FBXL2: variants seen among roughly 807,000 people sequenced by gnomAD.
FBXL2 encodes the protein F-box and leucine rich repeat protein 2, also known as F-box/LRR-repeat protein 2.
In FBXL2, 38 loss-of-function variants were observed where a neutral mutation model predicts 69.2. That is an observed-to-expected ratio of 0.55 (90% CI 0.42 to 0.72). The LOEUF is 0.72. Among genes scored for constraint, FBXL2 ranks in the 30% least tolerant of loss-of-function variants. The pLI is 0.00. For synonymous variants in FBXL2, 192 were observed against 201.3 expected (o/e 0.95, Z 0.39); for missense variants, 354 against 520.3 (o/e 0.68, Z 3.11).
rs376763047 is a variant in FBXL2, at chr3:33,378,765, T to C, written c.951+24T>C. The C allele has an allele frequency of 1.1e-4, 182 of 1,614,094 alleles. No individual in the cohort carries two copies. In the East Asian group the frequency reaches 4.0e-3, roughly 35 times the overall value. ...TGGTGAGTCTGAGTTTTTCTGACATTATTCACCTGTTAAAGATGAAAGAGC... is the reference window on the plus strand; with the variant it reads ...TGGTGAGTCTGAGTTTTTCTGACATCATTCACCTGTTAAAGATGAAAGAGC... On this transcript the variant is annotated intron_variant, in intron 13 of 14. Coordinates refer to ENST00000484457, the MANE Select transcript of FBXL2 (RefSeq NM_012157.5).
At chr3:33,413,783 C>T in the FBXL2 span, among the ~76,000 whole-genome samples, 23 of 152,208 alleles carry the variant, frequency 1.5e-4, no homozygotes, top group Admixed American at 9.8e-4. Flanking sequence ...TACCTGCACC[C>T]ACACCTGCAG....
chr3:33,419,284 CAGG>C, the FBXL2 span, among the ~76,000 whole-genome samples: 1 of 152,002 alleles, frequency 6.6e-6, no homozygotes, highest in East Asian at 1.9e-4. Context: ...TACTTGAGGT[CAGG>C]AGTTCAAGAC....
At chr3:33,368,008 G>T (rs2154045544) in intron 5 of FBXL2, among the ~76,000 whole-genome samples, 1 of 152,200 alleles carries the variant, frequency 6.6e-6, no homozygotes, top group East Asian at 1.9e-4. Context: ...CAAATATTTG[G>T]ACATTTTCCA....
intron 2 of FBXL2, among the ~76,000 whole-genome samples, chr3:33,321,049 C>T (rs1193309802): frequency 6.6e-6 from 1 of 151,908 alleles, no homozygotes; most frequent in Non-Finnish European, 1.5e-5. Context: ...GTGGCTCACA[C>T]CTGTAACCTT....
At chr3:33,342,418 T>G (rs992931456) in intron 2 of FBXL2, among the ~76,000 whole-genome samples, 1 of 151,554 alleles carries the variant, frequency 6.6e-6, no homozygotes, top group African/African-American at 2.4e-5. Flanking sequence ...AGACTTGCTT[T>G]TAGTAGACTT....
chr3:33,311,192 A>G (rs2037161719), intron 2 of FBXL2, among the ~76,000 whole-genome samples: 1 of 151,922 alleles, frequency 6.6e-6, no homozygotes, highest in Non-Finnish European at 1.5e-5. Context: ...TGCTTTCACA[A>G]TCCTCTCTTT....
the FBXL2 span, among the ~76,000 whole-genome samples, chr3:33,415,307 T>C: frequency 7.2e-5 from 11 of 152,218 alleles, no homozygotes; most frequent in Non-Finnish European, 1.2e-4. Flanking sequence ...GACACTGAAT[T>C]TTGGCATTTG....
chr3:33,322,395 A>G (rs945636370), intron 2 of FBXL2, among the ~76,000 whole-genome samples: 5 of 152,084 alleles, frequency 3.3e-5, no homozygotes, highest in African/African-American at 1.2e-4. Context: ...TGATGTTTAT[A>G]AAAATGTTTA....
chr3:33,373,039 C>T lies in FBXL2; in HGVS notation c.291-53C>T. 2.0e-6 allele frequency: 3 copies of T among 1,489,530 alleles called. No individual in the cohort carries two copies. The South Asian group carries it at 3.4e-5, about 17-fold the overall frequency. 92.3% of individuals were successfully genotyped at this position (1,489,530 alleles called of 1,614,324 possible). On this transcript the variant is annotated intron_variant, in intron 5 of 14. Coordinates refer to ENST00000484457, the MANE Select transcript of FBXL2 (RefSeq NM_012157.5). Reference sequence around the variant, plus strand: ...AAGCGTGAATGGTTTCATATGCCCTCTAGTGGCTGTCCAGCAACTTGCAGG... The same window carrying T: ...AAGCGTGAATGGTTTCATATGCCCTTTAGTGGCTGTCCAGCAACTTGCAGG...
intron 12 of FBXL2, chr3:33,400,331 GAACATTTAAA>G: frequency 6.9e-7 from 1 of 1,440,206 alleles, no homozygotes; most frequent in Non-Finnish European, 9.4e-7. Context: ...TTCAGACTTA[GAACATTTAAA>G]CAAAACACAG....
chr3:33,310,625 A>C (rs1397815481), intron 2 of FBXL2, among the ~76,000 whole-genome samples: 1 of 151,738 alleles, frequency 6.6e-6, no homozygotes, highest in Non-Finnish European at 1.5e-5. Flanking sequence ...ATTATCCTTA[A>C]TTATTTTTTG....
chr3:33,280,027 T>C (rs1483694028), intron 1 of FBXL2, among the ~76,000 whole-genome samples: 3 of 152,212 alleles, frequency 2.0e-5, no homozygotes, highest in African/African-American at 7.2e-5. Context: ...TTTTCTTTCT[T>C]ATTAGGACTT....
At chr3:33,355,910 G>C (rs1298343223) in intron 2 of FBXL2, among the ~76,000 whole-genome samples, 3 of 152,194 alleles carry the variant, frequency 2.0e-5, no homozygotes, top group Non-Finnish European at 4.4e-5. Flanking sequence ...AATTGGCTTT[G>C]GTGTCAGTGT....
At chr3:33,301,537 C>T (rs185246779) in intron 2 of FBXL2, among the ~76,000 whole-genome samples, 7 of 152,296 alleles carry the variant, frequency 4.6e-5, no homozygotes, top group African/African-American at 1.4e-4. Context: ...TTCTTTTCAT[C>T]TGATTTTATT....
At chr3:33,372,812 AAGG>A in intron 5 of FBXL2, 2 of 537,056 alleles carry the variant, frequency 3.7e-6, no homozygotes, top group South Asian at 4.3e-5. Flanking sequence ...GCTGTGGGTA[AAGG>A]AGAACTGATT....
At chr3:33,340,141 G>T (rs796322208) in intron 2 of FBXL2, among the ~76,000 whole-genome samples, 5 of 152,274 alleles carry the variant, frequency 3.3e-5, no homozygotes, top group African/African-American at 9.6e-5. Flanking sequence ...TTATCTCTGG[G>T]TGCATAAAAA....
downstream of FBXL2, chr3:33,389,995 C>G (rs888311577): frequency 3.9e-6 from 1 of 253,932 alleles, no homozygotes; most frequent in Non-Finnish European, 7.5e-6. Context: ...ACATTCATTT[C>G]CAAACCGCAT....
chr3:33,286,294 G>A (rs2034606377), intron 1 of FBXL2, among the ~76,000 whole-genome samples: 1 of 152,200 alleles, frequency 6.6e-6, no homozygotes, highest in African/African-American at 2.4e-5. Flanking sequence ...GGAGTTTGCT[G>A]GAGGTCCACT....
At chr3:33,283,142 G>A (rs2034217104) in intron 1 of FBXL2, among the ~76,000 whole-genome samples, 1 of 152,138 alleles carries the variant, frequency 6.6e-6, no homozygotes. Flanking sequence ...CAAAGGGAAT[G>A]CTTCCAGTTT....
Sources: gnomAD v4.1 joint callset for allele counts (sites outside exome capture counted in the v4.1 genomes callset) on GRCh38, gnomAD v4.1.1 for gene constraint, MANE v1.5 for transcripts, NCBI Gene and HGNC (gene_info 2026-07-23, HGNC 2026-07-21) for gene names.